HS3ST2: variants seen among roughly 807,000 people sequenced by gnomAD.
HS3ST2 encodes heparan sulfate-glucosamine 3-sulfotransferase 2.
A neutral mutation model predicts 26.3 loss-of-function variants in HS3ST2; 17 were observed. The observed-to-expected ratio is 0.65, with a 90% CI of 0.44 to 0.97. The LOEUF (loss-of-function observed/expected upper bound fraction) is 0.97, where lower values mean the gene tolerates loss of function less well. Ranked by LOEUF, HS3ST2 falls within the 50% of genes least tolerant of loss-of-function variation. HS3ST2 has a pLI of 0.00. For synonymous variants in HS3ST2, 237 were observed against 219.2 expected, an observed-to-expected ratio of 1.08 and a Z score of -0.72; for missense variants, 402 against 501.2, an observed-to-expected ratio of 0.80 and a Z score of 1.89.
intron 1 of HS3ST2, among the ~76,000 whole-genome samples, chr16:22,901,372 C>T (rs1902280067): frequency 6.6e-6 from 1 of 152,212 alleles, no homozygotes; most frequent in South Asian, 2.1e-4. Flanking sequence ...AGCAGCAAGT[C>T]GGCCTCACTG....
rs182464596 is a variant in HS3ST2 at position 22,845,630 on chromosome 16, C to T, written c.485+30535C>T. On this transcript the variant is annotated intron_variant, in intron 1 of 1. Transcript: ENST00000261374. ...CCTCCCAAAGTTCTGGGATTACAAG[C>T]GTGAGCCATGCGCCTGGCCTATTTT... 2.5e-4 allele frequency among the ~76,000 whole-genome samples: 38 copies of T among 152,192 alleles called. No individual in the cohort carries two copies. The East Asian group carries it at 7.2e-3, about 29-fold the overall frequency.
rs1330878936 is a variant in HS3ST2 at position 22,815,077 on chromosome 16, G to T, written c.467G>T (p.Arg156Leu). ...CACTTCTTTGACAGGAACTACGGCCGCGGGCTGGATTGGTACAGGTAAGGA... is the reference window on the plus strand; with the variant it reads ...CACTTCTTTGACAGGAACTACGGCCTCGGGCTGGATTGGTACAGGTAAGGA... ...EPHFFDRNYG[R>L]GLDWYRSLMP... is the part of the protein sequence containing the mutation. Residue 156 changes from arginine to leucine, a missense_variant, in exon 1 of 2, where the codon CGC becomes CTC. Arg to Leu is a moderately radical substitution (Grantham distance 102). This residue lies in a region of HS3ST2 where 237 missense variants were observed against 346.6 expected (regional missense o/e 0.68). Transcript: ENST00000261374. The T allele has an allele frequency of 1.2e-5, 19 of 1,612,972 alleles. No individual in the cohort carries two copies. The highest frequency in any genetic ancestry group is 1.5e-5 in the Non-Finnish European group (18 of 1,180,032).
At chr16:22,887,476 G>T (rs1184605233) in intron 1 of HS3ST2, among the ~76,000 whole-genome samples, 1 of 152,162 alleles carries the variant, frequency 6.6e-6, no homozygotes, top group Non-Finnish European at 1.5e-5. Context: ...CTGTCTCCAT[G>T]ATCTAATCAC....
intron 1 of HS3ST2, among the ~76,000 whole-genome samples, chr16:22,866,388 G>GTA (rs1275488620): frequency 2.6e-5 from 4 of 151,298 alleles, no homozygotes; most frequent in East Asian, 2.0e-4. Context: ...GTGTGTGTGT[G>GTA]TGTGTGTGTG....
At chr16:22,838,688 G>A (rs1901309697) in intron 1 of HS3ST2, among the ~76,000 whole-genome samples, 1 of 152,172 alleles carries the variant, frequency 6.6e-6, no homozygotes, top group Admixed American at 6.5e-5. Flanking sequence ...ATGTGATGGG[G>A]CGAGGAGGCA....
chr16:22,883,308 C>G lies in HS3ST2; in HGVS notation c.486-31636C>G, dbSNP rs376356650. On this transcript the variant is annotated intron_variant, in intron 1 of 1. Transcript: ENST00000261374. Reference sequence around the variant, plus strand: ...TGCAACTCAGTCTGAGGGTTTAAACCCTTTCAGAGACAGCCAGAAAAAATT... The same window carrying G: ...TGCAACTCAGTCTGAGGGTTTAAACGCTTTCAGAGACAGCCAGAAAAAATT... 2.7e-3 allele frequency among the ~76,000 whole-genome samples: 404 copies of G among 152,302 alleles called. 1 individual carries two copies. The highest frequency in any genetic ancestry group is 8.6e-3 in the African/African-American group (359 of 41,558).
intron 1 of HS3ST2, among the ~76,000 whole-genome samples, chr16:22,823,815 G>A (rs1356477768): frequency 6.6e-6 from 1 of 152,128 alleles, no homozygotes; most frequent in Admixed American, 6.5e-5. Context: ...ATGTGTTAGC[G>A]ATTGGGAGAG....
intron 1 of HS3ST2, among the ~76,000 whole-genome samples, chr16:22,847,829 A>G (rs1901460848): frequency 6.6e-6 from 1 of 151,314 alleles, no homozygotes; most frequent in South Asian, 2.1e-4. Context: ...GAAGAAAGAA[A>G]AAAATAAAGA....
intron 1 of HS3ST2, among the ~76,000 whole-genome samples, chr16:22,815,766 A>G (rs1291518489): frequency 6.6e-6 from 1 of 151,576 alleles, no homozygotes; most frequent in South Asian, 2.1e-4. Context: ...AGTTTCTTAA[A>G]CTCTATCAGC....
intron 1 of HS3ST2, among the ~76,000 whole-genome samples, chr16:22,907,736 G>A (rs963532939): frequency 2.7e-4 from 41 of 152,222 alleles, no homozygotes; most frequent in African/African-American, 9.9e-4. Context: ...TAAGAACATA[G>A]GAAAGCTTTA....
intron 1 of HS3ST2, among the ~76,000 whole-genome samples, chr16:22,828,532 G>T (rs1896415214): frequency 6.6e-6 from 1 of 152,210 alleles, no homozygotes; most frequent in South Asian, 2.1e-4. Context: ...GAAGCATGGG[G>T]AAATGTTCTC....
At chr16:22,831,428 A>G (rs919427623) in intron 1 of HS3ST2, among the ~76,000 whole-genome samples, 9 of 152,228 alleles carry the variant, frequency 5.9e-5, no homozygotes, top group African/African-American at 1.4e-4. Flanking sequence ...TGGATGGGGC[A>G]TCATGGGAAA....
chr16:22,846,105 C>A (rs1263804835), intron 1 of HS3ST2, among the ~76,000 whole-genome samples: 2 of 152,052 alleles, frequency 1.3e-5, no homozygotes, highest in Non-Finnish European at 2.9e-5. Context: ...TGGTGAAACC[C>A]CATCTCTGCT....
At chr16:22,859,183 G>A (rs139273893) in intron 1 of HS3ST2, among the ~76,000 whole-genome samples, 1 of 152,018 alleles carries the variant, frequency 6.6e-6, no homozygotes, top group African/African-American at 2.4e-5. Context: ...ATAAACAAAC[G>A]AACACTTTAT....
intron 1 of HS3ST2, among the ~76,000 whole-genome samples, chr16:22,869,434 G>A (rs1012120413): frequency 6.6e-6 from 1 of 152,182 alleles, no homozygotes; most frequent in Non-Finnish European, 1.5e-5. Context: ...GTTAAAAACT[G>A]TGTTAGTCTG....
At chr16:22,884,474 C>T (rs536211070) in intron 1 of HS3ST2, among the ~76,000 whole-genome samples, 34 of 151,996 alleles carry the variant, frequency 2.2e-4, no homozygotes, top group Admixed American at 3.9e-4. Flanking sequence ...CGGGACTCTC[C>T]GTAACTTCTC....
chr16:22,909,282 G>A (rs560980349), intron 1 of HS3ST2, among the ~76,000 whole-genome samples: 5 of 152,260 alleles, frequency 3.3e-5, no homozygotes, highest in Admixed American at 1.3e-4. Context: ...TAAAATAACA[G>A]GTGGGAGGAA....
intron 1 of HS3ST2, among the ~76,000 whole-genome samples, chr16:22,881,195 T>C (rs1318299247): frequency 2.6e-5 from 4 of 152,196 alleles, no homozygotes; most frequent in African/African-American, 9.7e-5. Flanking sequence ...ACATGTCTTG[T>C]AGGGCTGCTG....
intron 1 of HS3ST2, among the ~76,000 whole-genome samples, chr16:22,911,145 G>T (rs1902420524): frequency 6.6e-6 from 1 of 152,188 alleles, no homozygotes; most frequent in South Asian, 2.1e-4. Flanking sequence ...ACATATTAAG[G>T]ATATATTTGT....
Sources: allele counts gnomAD v4.1 joint callset (sites outside exome capture counted in the v4.1 genomes callset), GRCh38; gene constraint gnomAD v4.1.1; regional missense constraint gnomAD v4.1.1; transcripts MANE v1.5; gene names NCBI Gene and HGNC (gene_info 2026-07-23, HGNC 2026-07-21).